The following INPP4A variants were observed in gnomAD, a reference collection of about 807,000 sequenced individuals.
INPP4A encodes the protein inositol polyphosphate-4-phosphatase type I A.
In INPP4A, 33 loss-of-function variants were observed where a neutral mutation model predicts 119.8. The observed-to-expected ratio is 0.28, with a 90% CI of 0.21 to 0.37. The LOEUF is 0.37. Among genes scored for constraint, INPP4A ranks in the 10% least tolerant of loss-of-function variants. INPP4A has a pLI of 1.00. For synonymous variants in INPP4A, 496 were observed against 500.7 expected (o/e 0.99, Z 0.12); for missense variants, 956 against 1,289.9 (o/e 0.74, Z 3.97).
In INPP4A at chr2:98,554,631, C is replaced by T. The variant is rs1433153714; in HGVS notation, c.1566+142C>T. The T allele has an allele frequency of 5.6e-6, 4 of 714,282 alleles. No homozygotes were observed. The highest frequency in any genetic ancestry group is 9.5e-6 in the Non-Finnish European group (4 of 419,750). The allele number at this position is 714,282 out of a possible 1,614,324, so 44.2% of individuals were successfully genotyped here. ...TCCAGGTTTCCTTCCTGGATGGCTC[C>T]TTGGCTCCTGATGCAGGGAGGGAGG... On this transcript the variant is annotated intron_variant, in intron 15 of 24. Transcript: ENST00000409851. The surrounding 1 kb of genome is among the most constrained non-coding windows in gnomAD (Gnocchi z 4.7).
At position 98,572,931 on chromosome 2, in the gene INPP4A, C is replaced by T. The variant is rs748576336; in HGVS notation, c.2631+4C>T. On this transcript the variant is annotated splice_donor_region_variant and intron_variant, in intron 23 of 24. Transcript: ENST00000409851. The stretch of plus-strand genomic sequence containing the variant: ...CATTCTCTGGCAAGCTGCTGAGGTA[C>T]TGGTTACAGAGAGGAAAAGGAGGCT... The T allele has an allele frequency of 1.9e-6, 3 of 1,561,206 alleles. No homozygotes were observed. The highest frequency in any genetic ancestry group is 2.4e-5 in the East Asian group (1 of 42,028).
At position 98,592,678 on chromosome 2, in the gene INPP4A, G is replaced by A. The variant is rs1182877202; in HGVS notation, c.*5070G>A. ...CGCGGCCTCTGGCAGAGAGAGCGCT[G>A]GGTTGTACAGATGGAAACTTGTGTT... On this transcript the variant is annotated 3_prime_UTR_variant, in exon 25 of 25. Transcript: ENST00000409851. 1 of 152,274 alleles carries A rather than the reference G, an allele frequency of 6.6e-6. No individual in the cohort carries two copies. The highest frequency in any genetic ancestry group is 2.4e-5 in the African/African-American group (1 of 41,466). 9.4% of individuals were successfully genotyped at this position (152,274 alleles called of 1,614,324 possible).
chr2:98,463,641 A>G (rs1674080797), intron 1 of INPP4A, among the ~76,000 whole-genome samples: 1 of 152,206 alleles, frequency 6.6e-6, no homozygotes, highest in African/African-American at 2.4e-5. Flanking sequence ...AAAGGAATTG[A>G]CTTGTGGAGC....
At chr2:98,555,916 G>A (rs1694403181) in intron 16 of INPP4A, 108 bp downstream of exon 16, 1 of 1,357,484 alleles carries the variant, frequency 7.4e-7, no homozygotes. Flanking sequence ...CAGACTGCAG[G>A]GAGGGCTGCC....
chr2:98,459,956 A>G (rs933702739), intron 1 of INPP4A, among the ~76,000 whole-genome samples: 1 of 152,186 alleles, frequency 6.6e-6, no homozygotes, highest in East Asian at 1.9e-4. Context: ...CAGAACTGTC[A>G]GTTTGCTGAG....
Position 98,462,552 on chromosome 2 carries a change from G to T in INPP4A, c.-166+17467G>T, listed in dbSNP as rs574510695. Among the ~76,000 whole-genome samples, 3 of 151,632 alleles carry T rather than the reference G, an allele frequency of 2.0e-5. No homozygotes were observed. The South Asian group carries it at 6.2e-4, about 32-fold the overall frequency. On this transcript the variant is annotated intron_variant, in intron 1 of 24. Transcript: ENST00000409851. ...ATTATTGTTTTTTTTTTGAGACAGG[G>T]TGTCACTCTGTCAACCAGACTGGAG...
chr2:98,456,122 A>G (rs899941185), intron 1 of INPP4A, among the ~76,000 whole-genome samples: 2 of 152,128 alleles, frequency 1.3e-5, no homozygotes, highest in African/African-American at 4.8e-5. Context: ...TCAGGTCTGG[A>G]CTGTCTTTCT....
chr2:98,533,518 T>C, intron 5 of INPP4A, 23 bp downstream of exon 5: 4 of 1,392,504 alleles, frequency 2.9e-6, no homozygotes, highest in Non-Finnish European at 4.1e-6. Context: ...GGTCTCTCTC[T>C]GAGGGGCTGT....
intron 18 of INPP4A, among the ~76,000 whole-genome samples, 168 bp downstream of exon 18, chr2:98,563,805 A>G (rs1045855890): frequency 1.3e-5 from 2 of 152,094 alleles, no homozygotes; most frequent in Non-Finnish European, 2.9e-5. Flanking sequence ...ACATTTCAAC[A>G]CAGTCAGGAG....
In INPP4A at chr2:98,577,153, G is replaced by A. The variant is rs749338519; in HGVS notation, c.2786+10G>A. On this transcript the variant is annotated intron_variant, in intron 24 of 24. Transcript: ENST00000409851. ...TGGAGTGCATGCGCAGGTGAGTGCC[G>A]CAGCCAGGCCGCGCGCCCCGCCTGC... 41 of 1,591,312 alleles carry A rather than the reference G, an allele frequency of 2.6e-5. No homozygotes were observed. In the Admixed American group the frequency reaches 4.4e-4, roughly 17 times the overall value.
chr2:98,466,729 GTGA>G (rs1173834650), intron 1 of INPP4A, among the ~76,000 whole-genome samples: 5 of 152,200 alleles, frequency 3.3e-5, no homozygotes, highest in African/African-American at 9.7e-5. Flanking sequence ...GCACTCACAG[GTGA>G]TGATGTCTAT....
chr2:98,572,450 A>G (rs890642956), intron 22 of INPP4A, among the ~76,000 whole-genome samples: 3 of 151,768 alleles, frequency 2.0e-5, no homozygotes, highest in African/African-American at 4.8e-5. Flanking sequence ...AGTTTCTTCT[A>G]CCCTCGGGAA....
In INPP4A at chr2:98,469,351, G is replaced by C. The variant is rs577056719; in HGVS notation, c.-166+24266G>C. On this transcript the variant is annotated intron_variant, in intron 1 of 24. Transcript: ENST00000409851. ...ATCTCTACTAAAAATACAAAAATTA[G>C]TCGGGTGTGGTGGCTGGCATGCGCC... Among the ~76,000 whole-genome samples the C allele has an allele frequency of 2.6e-5, 4 of 152,126 alleles. No individual in the cohort carries two copies. In the South Asian group the frequency reaches 8.3e-4, roughly 32 times the overall value.
At chr2:98,460,419 C>CG (rs1558873062) in intron 1 of INPP4A, among the ~76,000 whole-genome samples, 1 of 151,962 alleles carries the variant, frequency 6.6e-6, no homozygotes, top group African/African-American at 2.4e-5. Context: ...CCAGATCACC[C>CG]GGGGGGCTCG....
At chr2:98,561,484 C>T (rs1358293653) in intron 17 of INPP4A, among the ~76,000 whole-genome samples, 3 of 152,214 alleles carry the variant, frequency 2.0e-5, no homozygotes, top group East Asian at 1.9e-4. Flanking sequence ...GGGCAGATAA[C>T]GACACTCACC....
chr2:98,539,203 G>A (rs570366532), intron 9 of INPP4A, among the ~76,000 whole-genome samples: 1 of 152,290 alleles, frequency 6.6e-6, no homozygotes, highest in South Asian at 2.1e-4. Context: ...AAAAGAATTA[G>A]TAATACTCCA....
rs906126844 is a variant in INPP4A at position 98,536,094 on chromosome 2, G to A, written c.388-35G>A. The A allele has an allele frequency of 1.7e-5, 24 of 1,385,766 alleles. No homozygotes were observed. In the Middle Eastern group the frequency reaches 1.1e-3, roughly 61 times the overall value. The allele number at this position is 1,385,766 out of a possible 1,614,324, so 85.8% of individuals were successfully genotyped here. ...TAATTGCATCAGAAGCAAAGCAAGC[G>A]CACCAATGCTGCCTCTCTTCCTTCT... On this transcript the variant is annotated intron_variant, in intron 6 of 24. Transcript: ENST00000409851.
intron 11 of INPP4A, among the ~76,000 whole-genome samples, chr2:98,544,798 C>G (rs1385750997): frequency 6.6e-6 from 1 of 152,200 alleles, no homozygotes; most frequent in East Asian, 1.9e-4. Context: ...GTGAACCCAT[C>G]CATAAACTTG....
intron 1 of INPP4A, among the ~76,000 whole-genome samples, chr2:98,453,185 C>CT (rs1271780626): frequency 1.3e-5 from 2 of 152,176 alleles, no homozygotes; most frequent in Non-Finnish European, 2.9e-5. Context: ...GGGTTTTCAG[C>CT]TTTAAAGATT....
Sources: gnomAD v4.1 joint callset for allele counts (sites outside exome capture counted in the v4.1 genomes callset) on GRCh38, gnomAD v4.1.1 for gene constraint, Gnocchi (gnomAD v3.1) non-coding constraint, MANE v1.5 for transcripts, NCBI Gene and HGNC (gene_info 2026-07-23, HGNC 2026-07-21) for gene names.